The following NOVA1 variants were observed in gnomAD, a reference collection of about 807,000 sequenced individuals.
NOVA1 encodes RNA-binding protein Nova-1.
Under a neutral mutation model 38.0 loss-of-function variants are expected in NOVA1, and 7 were observed. The ratio of observed to expected loss-of-function variants is 0.18; its 90% CI spans 0.10 to 0.35. The LOEUF (loss-of-function observed/expected upper bound fraction) is 0.35, where lower values mean the gene tolerates loss of function less well. NOVA1 is among the 10% of genes least tolerant of loss of function. The probability of loss-of-function intolerance (pLI) is 1.00; values close to 1 mark genes in which losing one functional copy is unlikely to be tolerated. For synonymous variants in NOVA1, 270 were observed against 232.5 expected (o/e 1.16, Z -1.47); for missense variants, 460 against 616.0 (o/e 0.75, Z 2.68).
chr14:26,535,198 A>G (rs899001078), intron 2 of NOVA1, among the ~76,000 whole-genome samples: 5 of 152,218 alleles, frequency 3.3e-5, no homozygotes, highest in African/African-American at 9.6e-5. Flanking sequence ...ACATATTTAG[A>G]TATCTGTGTA....
At chr14:26,565,870 C>A (rs1029644106) in intron 2 of NOVA1, among the ~76,000 whole-genome samples, 24 of 152,026 alleles carry the variant, frequency 1.6e-4, no homozygotes, top group African/African-American at 5.1e-4. Context: ...TAAATAAATA[C>A]TTTACAAAAT....
At chr14:26,596,170 C>CG in intron 1 of NOVA1, 1 of 232,354 alleles carries the variant, frequency 4.3e-6, no homozygotes, top group Non-Finnish European at 8.6e-6. Flanking sequence ...GCAAATCTAA[C>CG]TAATCCTAGT....
intron 4 of NOVA1, among the ~76,000 whole-genome samples, chr14:26,471,067 T>C (rs1042261198): frequency 7.1e-6 from 1 of 141,520 alleles, no homozygotes; most frequent in Admixed American, 7.5e-5. Flanking sequence ...AAGAGAAGTG[T>C]TGGGTTTTAC....
At chr14:26,485,031 C>A (rs1057510818) in intron 2 of NOVA1, among the ~76,000 whole-genome samples, 2 of 151,128 alleles carry the variant, frequency 1.3e-5, no homozygotes, top group East Asian at 3.9e-4. Flanking sequence ...AGAAATAAAA[C>A]ACAGAGAAAG....
intron 2 of NOVA1, among the ~76,000 whole-genome samples, chr14:26,510,099 G>A (rs1887954300): frequency 8.9e-6 from 1 of 111,882 alleles, no homozygotes; most frequent in African/African-American, 2.5e-5. Context: ...GGAAAAAAGG[G>A]GACTTCAGAA....
At chr14:26,540,524 ACAACT>A (rs563993686) in intron 2 of NOVA1, among the ~76,000 whole-genome samples, 7 of 152,254 alleles carry the variant, frequency 4.6e-5, no homozygotes, top group Non-Finnish European at 7.3e-5. Flanking sequence ...AAACAAAAAG[ACAACT>A]CAGTTCATCT....
At chr14:26,590,489 A>C (rs1000352911) in intron 2 of NOVA1, among the ~76,000 whole-genome samples, 1 of 151,936 alleles carries the variant, frequency 6.6e-6, no homozygotes, top group African/African-American at 2.4e-5. Context: ...CAAGTAGCAT[A>C]ATATGTAGTC....
intron 2 of NOVA1, among the ~76,000 whole-genome samples, chr14:26,498,869 G>A (rs1887035368): frequency 6.6e-6 from 1 of 152,168 alleles, no homozygotes; most frequent in Non-Finnish European, 1.5e-5. Flanking sequence ...TTAAAAGGAA[G>A]GCATCCTGCC....
intron 2 of NOVA1, among the ~76,000 whole-genome samples, chr14:26,531,702 C>G (rs192274287): frequency 7.9e-5 from 12 of 152,238 alleles, no homozygotes; most frequent in Non-Finnish European, 1.0e-4. Flanking sequence ...TTTTAAAAAG[C>G]GTTTACAAAC....
intron 3 of NOVA1, among the ~76,000 whole-genome samples, chr14:26,476,675 C>T (rs1411043848): frequency 2.0e-5 from 3 of 151,418 alleles, no homozygotes; most frequent in African/African-American, 4.8e-5. Flanking sequence ...AACTGTCACT[C>T]TGACCTGTAT....
In NOVA1 at chr14:26,491,962, T is replaced by TAA. The variant is rs149513133; in HGVS notation, c.281-11821_281-11820dup. ...TTCAGAATCAGGCTTCCCATTTCTG[T>TAA]AAAAAAAAAAAAACATTTAGAATTT... is the stretch of plus-strand genomic sequence containing the variant. On this transcript the variant is annotated intron_variant, in intron 2 of 4. Transcript: ENST00000539517. Among the ~76,000 whole-genome samples the TAA allele has an allele frequency of 1.3e-4, 19 of 140,796 alleles. 1 individual carries two copies. Among genetic ancestry groups the TAA allele is most frequent in the Admixed American group, 7.2e-4 (10 of 13,894 alleles). The allele number at this position is 140,796 out of a possible 152,430, so 92.4% of individuals were successfully genotyped here.
At chr14:26,495,585 C>T (rs539386672) in intron 2 of NOVA1, among the ~76,000 whole-genome samples, 4 of 137,098 alleles carry the variant, frequency 2.9e-5, no homozygotes, top group South Asian at 4.4e-4. Context: ...CATGCTGGTG[C>T]GCTGCACCCA....
chr14:26,492,723 T>C (rs904079623), intron 2 of NOVA1, among the ~76,000 whole-genome samples: 1 of 152,036 alleles, frequency 6.6e-6, no homozygotes, highest in Non-Finnish European at 1.5e-5. Context: ...ATCCCAACAC[T>C]TGGGAGGCCG....
At chr14:26,561,295 T>C (rs558679189) in intron 2 of NOVA1, among the ~76,000 whole-genome samples, 7 of 152,314 alleles carry the variant, frequency 4.6e-5, no homozygotes, top group Non-Finnish European at 1.0e-4. Flanking sequence ...ACTACTAACA[T>C]TGAAACATAA....
intron 2 of NOVA1, among the ~76,000 whole-genome samples, chr14:26,538,749 G>C (rs532099632): frequency 6.6e-6 from 1 of 151,838 alleles, no homozygotes; most frequent in Admixed American, 6.6e-5. Context: ...TAATCAGTTC[G>C]TAACATTCAA....
At chr14:26,579,631 CAAT>C (rs1385971910) in intron 2 of NOVA1, among the ~76,000 whole-genome samples, 1 of 151,724 alleles carries the variant, frequency 6.6e-6, no homozygotes, top group African/African-American at 2.4e-5. Context: ...TAAGTTTATA[CAAT>C]AATTAAGACA....
intron 2 of NOVA1, among the ~76,000 whole-genome samples, chr14:26,553,552 T>C (rs941453901): frequency 6.6e-6 from 1 of 152,024 alleles, no homozygotes; most frequent in African/African-American, 2.4e-5. Flanking sequence ...TCTCTGTGCC[T>C]ATTTGAAGAG....
At chr14:26,450,099 G>C (rs939681963) in intron 4 of NOVA1, among the ~76,000 whole-genome samples, 8 of 152,100 alleles carry the variant, frequency 5.3e-5, no homozygotes, top group Admixed American at 2.6e-4. Flanking sequence ...AAGCACTGAA[G>C]TAATTGCTTT....
intron 2 of NOVA1, among the ~76,000 whole-genome samples, chr14:26,546,441 C>T (rs967674895): frequency 1.2e-4 from 18 of 151,878 alleles, no homozygotes; most frequent in African/African-American, 4.1e-4. Flanking sequence ...AAAATATGTA[C>T]CTAATTTAAA....
Sources: gnomAD v4.1 joint callset for allele counts (sites outside exome capture counted in the v4.1 genomes callset) on GRCh38, gnomAD v4.1.1 for gene constraint, MANE v1.5 for transcripts, NCBI Gene and HGNC (gene_info 2026-07-23, HGNC 2026-07-21) for gene names.